The following BLTP1 variants were observed in gnomAD, a reference collection of about 807,000 sequenced individuals.
BLTP1 encodes fragile site-associated protein.
At chr4:122,316,773 G>T in the BLTP1 span, 11 of 1,613,238 alleles carry the variant, frequency 6.8e-6, no homozygotes, top group East Asian at 2.5e-4. Flanking sequence ...CTGCTAGCCA[G>T]CCGGGAGAAC....
the BLTP1 span, chr4:122,207,028 A>G: frequency 7.8e-7 from 1 of 1,280,212 alleles, no homozygotes; most frequent in Non-Finnish European, 1.1e-6. Context: ...TTCATTTTTG[A>G]CTGGTGTTAG....
chr4:122,357,915 T>C, the BLTP1 span, among the ~76,000 whole-genome samples: 3 of 152,220 alleles, frequency 2.0e-5, no homozygotes, highest in African/African-American at 4.8e-5. Flanking sequence ...AAAGGTAGCA[T>C]AGCATACATT....
chr4:122,153,324 T>G, the BLTP1 span, among the ~76,000 whole-genome samples: 3 of 152,176 alleles, frequency 2.0e-5, no homozygotes, highest in Non-Finnish European at 4.4e-5. Context: ...ACCCTGTGCA[T>G]AGCAATGAAG....
the BLTP1 span, chr4:122,214,591 CTA>C: frequency 1.3e-5 from 2 of 153,734 alleles, no homozygotes; most frequent in East Asian, 3.5e-4. Flanking sequence ...TTTTTGGTAA[CTA>C]TTTTTTTTTT....
chr4:122,235,133 G>T, the BLTP1 span: 2 of 1,038,376 alleles, frequency 1.9e-6, no homozygotes, highest in Non-Finnish European at 2.8e-6. Flanking sequence ...TTTGTGTGAT[G>T]TTATGAGTAG....
chr4:122,210,526 A>G, the BLTP1 span, among the ~76,000 whole-genome samples: 1 of 152,168 alleles, frequency 6.6e-6, no homozygotes, highest in Non-Finnish European at 1.5e-5. Context: ...GTATTTAAAT[A>G]GCTATTTATA....
chr4:122,332,485 G>T, the BLTP1 span, among the ~76,000 whole-genome samples: 2 of 151,912 alleles, frequency 1.3e-5, no homozygotes, highest in Non-Finnish European at 1.5e-5. Context: ...AAAGGTAACT[G>T]CCCTGTATAG....
At chr4:122,344,750 T>G in the BLTP1 span, 1 of 1,312,724 alleles carries the variant, frequency 7.6e-7, no homozygotes, top group Non-Finnish European at 9.8e-7. Context: ...GAATATAATT[T>G]CTAGATAAAT....
At chr4:122,186,377 G>A in the BLTP1 span, among the ~76,000 whole-genome samples, 1 of 151,792 alleles carries the variant, frequency 6.6e-6, no homozygotes. Flanking sequence ...AATTATTTTA[G>A]AAATTGAGAT....
the BLTP1 span, among the ~76,000 whole-genome samples, chr4:122,318,550 A>G: frequency 2.0e-5 from 3 of 152,154 alleles, no homozygotes; most frequent in African/African-American, 7.2e-5. Flanking sequence ...GCCCTTAGAC[A>G]CTGTGTTTTG....
chr4:122,248,335 G>A, the BLTP1 span, among the ~76,000 whole-genome samples: 5 of 151,972 alleles, frequency 3.3e-5, no homozygotes, highest in African/African-American at 1.2e-4. Context: ...AATTTTGAAA[G>A]GCATTATCAT....
At chr4:122,198,526 G>T in the BLTP1 span, 2 of 828,720 alleles carry the variant, frequency 2.4e-6, no homozygotes, top group Non-Finnish European at 2.9e-6. Context: ...GTTTTATGCA[G>T]TATTATACAA....
the BLTP1 span, among the ~76,000 whole-genome samples, chr4:122,287,240 G>A: frequency 6.6e-6 from 1 of 152,222 alleles, no homozygotes; most frequent in East Asian, 1.9e-4. Context: ...ATAATCTAAA[G>A]GTCATATTGA....
the BLTP1 span, among the ~76,000 whole-genome samples, chr4:122,280,906 A>C: frequency 1.8e-4 from 27 of 152,284 alleles, no homozygotes; most frequent in East Asian, 3.1e-3. Context: ...GTGTATACTT[A>C]AATTTTAGTT....
the BLTP1 span, among the ~76,000 whole-genome samples, chr4:122,181,470 A>T: frequency 6.6e-6 from 1 of 152,224 alleles, no homozygotes; most frequent in Admixed American, 6.5e-5. Flanking sequence ...TTTTTCCACC[A>T]AGAAACATCA....
chr4:122,258,707 T>C, the BLTP1 span: 1 of 1,613,306 alleles, frequency 6.2e-7, no homozygotes. Context: ...TCAGCCACAG[T>C]CAGTGAACAC....
chr4:122,192,316 G>T, the BLTP1 span: 1 of 1,613,738 alleles, frequency 6.2e-7, no homozygotes, highest in Non-Finnish European at 8.5e-7. Flanking sequence ...CCATGTTGGG[G>T]ACTGGATATA....
chr4:122,311,735 A>C, the BLTP1 span, among the ~76,000 whole-genome samples: 13 of 152,176 alleles, frequency 8.5e-5, no homozygotes, highest in African/African-American at 3.1e-4. Context: ...CAATATCATG[A>C]ATGTGTATTC....
At chr4:122,242,819 TCAA>T in the BLTP1 span, 1 of 163,744 alleles carries the variant, frequency 6.1e-6, no homozygotes, top group African/African-American at 2.4e-5. Context: ...TTTATTTGAA[TCAA>T]CAAAGTGAAA....
Sources: gnomAD v4.1 joint callset for allele counts (sites outside exome capture counted in the v4.1 genomes callset) on GRCh38, gnomAD v4.1.1 for gene constraint, MANE v1.5 for transcripts, NCBI Gene and HGNC (gene_info 2026-07-23, HGNC 2026-07-21) for gene names.